Variants in XPR1 observed in about 807,000 individuals in gnomAD.
The protein encoded by XPR1 is xenotropic and polytropic retrovirus receptor 1.
XPR1 carries 28 observed loss-of-function variants against 87.5 expected under a neutral mutation model. The ratio of observed to expected loss-of-function variants is 0.32; its 90% CI spans 0.24 to 0.44. XPR1 has a LOEUF of 0.44. XPR1 is among the 20% of genes least tolerant of loss of function. The pLI is 1.00. For missense variants in XPR1, 559 were observed against 862.3 expected (o/e 0.65, Z 4.41); for synonymous variants, 300 against 306.1 (o/e 0.98, Z 0.21).
chr1:180,801,314 G>A (rs1375927619), intron 3 of XPR1, among the ~76,000 whole-genome samples: 2 of 152,168 alleles, frequency 1.3e-5, no homozygotes, highest in African/African-American at 4.8e-5. Context: ...AGTATTTTCT[G>A]GGCCCCCTCA....
chr1:180,665,226 C>T (rs1655916802), intron 1 of XPR1, among the ~76,000 whole-genome samples: 3 of 152,166 alleles, frequency 2.0e-5, no homozygotes, highest in African/African-American at 7.2e-5. Flanking sequence ...ATAAAACCAT[C>T]AGACCTCATG....
intron 2 of XPR1, among the ~76,000 whole-genome samples, chr1:180,703,251 G>A (rs979394078): frequency 6.6e-6 from 1 of 152,172 alleles, no homozygotes; most frequent in African/African-American, 2.4e-5. Flanking sequence ...GTAGTGATCA[G>A]GGTGGGTTGA....
intron 2 of XPR1, among the ~76,000 whole-genome samples, chr1:180,758,114 T>TACACAGACACACAC (rs1647829058): frequency 7.1e-6 from 1 of 141,094 alleles, no homozygotes; most frequent in African/African-American, 2.6e-5. Context: ...TATAGAAGGA[T>TACACAGACACACAC]ACACACACAC....
chr1:180,762,402 A>C (rs1461942712), intron 2 of XPR1, among the ~76,000 whole-genome samples: 1 of 152,252 alleles, frequency 6.6e-6, no homozygotes, highest in Non-Finnish European at 1.5e-5. Flanking sequence ...GAAGTTAATT[A>C]AAAATAGAAA....
intron 7 of XPR1, among the ~76,000 whole-genome samples, chr1:180,822,243 C>T (rs975956530): frequency 1.3e-5 from 2 of 152,176 alleles, no homozygotes; most frequent in Non-Finnish European, 2.9e-5. Flanking sequence ...ACCACTATAC[C>T]TTTGTTTGTT....
At chr1:180,659,090 T>TC (rs1655642856) in intron 1 of XPR1, among the ~76,000 whole-genome samples, 3 of 148,832 alleles carry the variant, frequency 2.0e-5, no homozygotes, top group Admixed American at 6.6e-5. Context: ...CTTCCTTCCT[T>TC]CCTCCCTCCC....
intron 7 of XPR1, among the ~76,000 whole-genome samples, chr1:180,814,397 A>G (rs1650328612): frequency 6.6e-6 from 1 of 152,344 alleles, no homozygotes; most frequent in African/African-American, 2.4e-5. Flanking sequence ...ATACAATTTA[A>G]AAACTCAGAT....
chr1:180,671,563 C>G (rs889551200), intron 1 of XPR1, among the ~76,000 whole-genome samples: 1 of 152,122 alleles, frequency 6.6e-6, no homozygotes, highest in Non-Finnish European at 1.5e-5. Flanking sequence ...CTCGTCCTGT[C>G]ACCCAGGCTG....
At chr1:180,731,063 A>T (rs1005543637) in intron 2 of XPR1, among the ~76,000 whole-genome samples, 2 of 152,120 alleles carry the variant, frequency 1.3e-5, no homozygotes, top group African/African-American at 4.8e-5. Flanking sequence ...CATTGTATTA[A>T]TATATTAGGT....
At chr1:180,684,417 A>G (rs1431148451) in intron 2 of XPR1, among the ~76,000 whole-genome samples, 6 of 152,204 alleles carry the variant, frequency 3.9e-5, no homozygotes, top group Non-Finnish European at 7.3e-5. Context: ...GAAGTCAGGT[A>G]GCGTGATGCC....
intron 1 of XPR1, among the ~76,000 whole-genome samples, chr1:180,658,388 A>G (rs1004982508): frequency 1.3e-5 from 2 of 152,156 alleles, no homozygotes; most frequent in African/African-American, 4.8e-5. Context: ...AAAGGCTTTC[A>G]GTTTTTCCCC....
chr1:180,798,758 C>T (rs1369168748), intron 3 of XPR1, among the ~76,000 whole-genome samples: 1 of 152,050 alleles, frequency 6.6e-6, no homozygotes, highest in African/African-American at 2.4e-5. Flanking sequence ...GAATCACAGG[C>T]GTGCAGCACC....
At chr1:180,652,099 C>G (rs1217681619) in intron 1 of XPR1, among the ~76,000 whole-genome samples, 4 of 152,124 alleles carry the variant, frequency 2.6e-5, no homozygotes, top group East Asian at 3.9e-4. Context: ...TGAGACCAGC[C>G]TGGTCAACAT....
chr1:180,668,583 T>C (rs997309990), intron 1 of XPR1, among the ~76,000 whole-genome samples: 7 of 152,218 alleles, frequency 4.6e-5, no homozygotes, highest in Admixed American at 3.9e-4. Context: ...CAGTGTCTCA[T>C]AGGTTTTGGT....
chr1:180,881,948 A>T (rs569347251), intron 14 of XPR1, among the ~76,000 whole-genome samples: 1 of 152,304 alleles, frequency 6.6e-6, no homozygotes, highest in East Asian at 1.9e-4. Context: ...TGGTGCTGTG[A>T]TCCCAAGGAA....
At chr1:180,756,111 G>T (rs1647728064) in intron 2 of XPR1, among the ~76,000 whole-genome samples, 1 of 152,220 alleles carries the variant, frequency 6.6e-6, no homozygotes, top group African/African-American at 2.4e-5. Context: ...TAAATGCAGT[G>T]TGAAGAATAG....
chr1:180,791,558 T>TGAGCCACTGCACCCGGCCA (rs71666033), intron 3 of XPR1, among the ~76,000 whole-genome samples: 6,537 of 152,260 alleles, frequency 0.043, 503 homozygotes, highest in African/African-American at 0.15. Context: ...ATTACAGACA[T>TGAGCCACTGCACCCGGCCA]GTAGATACTT....
Position 180,884,022 on chromosome 1 carries a change from A to C in XPR1, c.2047A>C (p.Thr683Pro). The change falls in exon 15 of 15, where the codon ACT (threonine) becomes CCT (proline). Residue 683 changes from threonine (T) to proline (P), a missense_variant. This residue lies in a region of XPR1 where 80 missense variants were observed against 99.5 expected (regional missense o/e 0.80). Coordinates refer to ENST00000367590, the MANE Select transcript of XPR1 (RefSeq NM_004736.4). ...RLASQSKARD[T>P]KVLIEDTDDE... ...TACCACTAGATCCAAGGCTCGTGAC[A>C]CTAAGGTATTGATAGAAGACACAGA... The C allele has an allele frequency of 1.9e-6, 3 of 1,614,100 alleles. No homozygotes were observed. Among genetic ancestry groups the C allele is most frequent in the Non-Finnish European group, 2.5e-6 (3 of 1,179,994 alleles).
intron 1 of XPR1, among the ~76,000 whole-genome samples, chr1:180,658,616 G>T (rs374086098): frequency 6.6e-6 from 1 of 152,062 alleles, no homozygotes. Context: ...CCAGGCTGGA[G>T]TGCAGTGGCG....
Sources: allele counts gnomAD v4.1 joint callset (sites outside exome capture counted in the v4.1 genomes callset), GRCh38; gene constraint gnomAD v4.1.1; regional missense constraint gnomAD v4.1.1; transcripts MANE v1.5; gene names NCBI Gene and HGNC (gene_info 2026-07-23, HGNC 2026-07-21).